Variants in CBR4 observed in about 807,000 individuals in gnomAD.
CBR4 encodes the protein carbonyl reductase 4, also known as 3-oxoacyl-[acyl-carrier-protein] reductase.
In CBR4, 22 loss-of-function variants were observed where a neutral mutation model predicts 21.0. That is an observed-to-expected ratio of 1.05 (90% CI 0.75 to 1.50). CBR4 has a LOEUF of 1.50. Ranked by LOEUF, CBR4 falls within the 40% of genes most tolerant of loss-of-function variation. CBR4 has a pLI of 0.00. For missense variants in CBR4, 302 were observed against 286.3 expected (o/e 1.05, Z -0.40); for synonymous variants, 100 against 104.4 (o/e 0.96, Z 0.26).
chr4:168,922,083 A>T (rs1200200694), intron 2 of CBR4, among the ~76,000 whole-genome samples: 1 of 120,954 alleles, frequency 8.3e-6, no homozygotes, highest in Non-Finnish European at 1.6e-5. Context: ...AAAGTTTTAT[A>T]TTTATATATA....
At chr4:168,925,422 G>T in intron 2 of CBR4, 1 of 719,478 alleles carries the variant, frequency 1.4e-6, no homozygotes. Flanking sequence ...ACATGTTCTT[G>T]TTACTGTGTT....
In CBR4 at chr4:168,900,521, A is replaced by C. The variant is rs541892608; in HGVS notation, n.170-5756T>G. Among the ~76,000 whole-genome samples, 7 of 152,376 alleles carry C rather than the reference A, an allele frequency of 4.6e-5. No homozygotes were observed. In the East Asian group the frequency reaches 1.3e-3, roughly 29 times the overall value. On this transcript the variant is annotated intron_variant and non_coding_transcript_variant, in intron 2 of 3. Coordinates refer to the CBR4 transcript ENST00000509108. Reference sequence around the variant, plus strand: ...GCTTAATAGTGGCATAAAATGAAAGAGGGAAAAGTGATAAAAAAATACCTG... The same window carrying C: ...GCTTAATAGTGGCATAAAATGAAAGCGGGAAAAGTGATAAAAAAATACCTG...
At chr4:168,978,870 A>G (rs1029661815) in intron 2 of CBR4, among the ~76,000 whole-genome samples, 4 of 152,066 alleles carry the variant, frequency 2.6e-5, no homozygotes, top group Admixed American at 6.5e-5. Flanking sequence ...TGGGATCCCA[A>G]TGCAGCCACC....
intron 4 of CBR4, among the ~76,000 whole-genome samples, chr4:169,000,223 AAG>A (rs1163959901): frequency 6.6e-6 from 1 of 152,136 alleles, no homozygotes; most frequent in Non-Finnish European, 1.5e-5. Context: ...AGCATACACA[AAG>A]AGAAAACAGT....
chr4:168,926,505 AC>A (rs1470963156), intron 2 of CBR4: 6 of 593,250 alleles, frequency 1.0e-5, no homozygotes, highest in African/African-American at 3.8e-5. Flanking sequence ...TAAAAAAAAA[AC>A]ACCAAAATAA....
intron 2 of CBR4, among the ~76,000 whole-genome samples, chr4:168,912,467 A>T (rs1372751929): frequency 6.6e-6 from 1 of 152,196 alleles, no homozygotes; most frequent in Non-Finnish European, 1.5e-5. Flanking sequence ...AAAAAAACAA[A>T]TTAAGAGAAA....
intron 2 of CBR4, among the ~76,000 whole-genome samples, chr4:168,952,509 A>T (rs547321911): frequency 1.3e-5 from 2 of 152,242 alleles, no homozygotes; most frequent in East Asian, 3.9e-4. Context: ...TCATATTACC[A>T]GAGTTGGTTT....
chr4:168,961,291 G>A (rs1763844883), intron 2 of CBR4, among the ~76,000 whole-genome samples: 1 of 152,186 alleles, frequency 6.6e-6, no homozygotes, highest in South Asian at 2.1e-4. Context: ...GTTAGAAACT[G>A]TAAATCTTAT....
At chr4:168,985,254 G>C (rs1764652006), downstream of CBR4, among the ~76,000 whole-genome samples, 1 of 152,054 alleles carries the variant, frequency 6.6e-6, no homozygotes, top group Non-Finnish European at 1.5e-5. Context: ...TTTCTCAAAA[G>C]AAGACATACG....
intron 2 of CBR4, among the ~76,000 whole-genome samples, chr4:168,960,268 T>G (rs1270975297): frequency 1.3e-5 from 2 of 152,222 alleles, no homozygotes; most frequent in African/African-American, 4.8e-5. Context: ...TTAACCACTT[T>G]TGTTTTTGTT....
intron 2 of CBR4, among the ~76,000 whole-genome samples, chr4:168,900,041 G>A (rs1280116235): frequency 3.9e-5 from 6 of 152,164 alleles, no homozygotes; most frequent in Admixed American, 1.3e-4. Flanking sequence ...TGGTGAAGGC[G>A]AAGGCGAAAA....
intron 3 of CBR4, among the ~76,000 whole-genome samples, chr4:169,003,654 T>A (rs1185992833): frequency 1.3e-5 from 2 of 152,124 alleles, no homozygotes; most frequent in Non-Finnish European, 2.9e-5. Context: ...GAAGAGTCAA[T>A]CAATGTGGCA....
chr4:168,899,440 CAT>C (rs1755973524), intron 2 of CBR4, among the ~76,000 whole-genome samples: 1 of 152,160 alleles, frequency 6.6e-6, no homozygotes, highest in Non-Finnish European at 1.5e-5. Flanking sequence ...TACACTATCA[CAT>C]GATAGGGAGC....
In CBR4 at chr4:168,921,651, C is replaced by A. The variant is rs764655963; in HGVS notation, n.170-26886G>T. On this transcript the variant is annotated intron_variant and non_coding_transcript_variant, in intron 2 of 3. Coordinates refer to the CBR4 transcript ENST00000509108. ...CGGGGTGCACTCTCTGATCATAGAG[C>A]CAGTCACGTCACGTGATGCCGGCAT... The A allele has an allele frequency of 6.2e-7, 1 of 1,609,890 alleles. No homozygotes were observed. Among genetic ancestry groups the A allele is most frequent in the East Asian group, 2.2e-5 (1 of 44,692 alleles).
At chr4:168,974,507 A>T (rs1017851418) in intron 2 of CBR4, among the ~76,000 whole-genome samples, 1 of 152,178 alleles carries the variant, frequency 6.6e-6, no homozygotes. Context: ...TAAGTTTTCC[A>T]AACTTTTAGA....
At chr4:168,979,920 C>T (rs2126780247) in intron 2 of CBR4, among the ~76,000 whole-genome samples, 1 of 152,234 alleles carries the variant, frequency 6.6e-6, no homozygotes, top group East Asian at 1.9e-4. Context: ...CTCCAGCATG[C>T]AGCAGCTGCC....
intron 2 of CBR4, among the ~76,000 whole-genome samples, chr4:168,917,902 A>C (rs1760532613): frequency 6.6e-6 from 1 of 152,064 alleles, no homozygotes; most frequent in Admixed American, 6.5e-5. Context: ...TATATATCCG[A>C]GGAAAATGAA....
intron 2 of CBR4, among the ~76,000 whole-genome samples, chr4:168,911,746 G>A (rs1364204778): frequency 6.6e-6 from 1 of 152,132 alleles, no homozygotes; most frequent in East Asian, 1.9e-4. Context: ...AGTGGCCTGT[G>A]CTTCAGGTAC....
chr4:168,990,208 G>C lies in CBR4; in HGVS notation c.656C>G (p.Ser219Ter). The part of the protein sequence containing the change: ...VAHAVVFLLE[S>*]PYITGHVLVV... The stretch of plus-strand genomic sequence containing the variant: ...CAGAACATGCCCTGTAATATACGGT[G>C]ATTCTAAAAGAAACACAACCGCATG... The change falls in exon 5 of 5, where the codon TCA becomes TGA. Residue 219 changes from serine to a stop codon, truncating the protein, a stop_gained. Coordinates refer to ENST00000306193, the MANE Select transcript of CBR4 (RefSeq NM_032783.5). LOFTEE classifies it high-confidence loss of function. 1 of 1,613,094 alleles carries C rather than the reference G, an allele frequency of 6.2e-7. No individual in the cohort carries two copies. Among genetic ancestry groups the C allele is most frequent in the Non-Finnish European group, 8.5e-7 (1 of 1,179,478 alleles).
Sources: gnomAD v4.1 joint callset for allele counts (sites outside exome capture counted in the v4.1 genomes callset) on GRCh38, gnomAD v4.1.1 for gene constraint, MANE v1.5 for transcripts, NCBI Gene and HGNC (gene_info 2026-07-23, HGNC 2026-07-21) for gene names.